Variants in SCFD1 observed in about 807,000 individuals in gnomAD.
The protein encoded by SCFD1 is sec1 family domain-containing protein 1.
In SCFD1, 37 loss-of-function variants were observed where a neutral mutation model predicts 103.2. That is an observed-to-expected ratio of 0.36 (90% confidence interval 0.28 to 0.47). The LOEUF (loss-of-function observed/expected upper bound fraction) is 0.47. Among genes scored for constraint, SCFD1 ranks in the 20% least tolerant of loss-of-function variants. The probability of loss-of-function intolerance (pLI) is 1.00; values close to 1 mark genes in which losing one functional copy is unlikely to be tolerated. For synonymous variants in SCFD1, 264 were observed against 245.0 expected (o/e 1.08, Z -0.73); for missense variants, 639 against 761.2 (o/e 0.84, Z 1.89).
At chr14:30,639,738 T>C (rs1885079341) in intron 5 of SCFD1, 39 bp from the exon 6 acceptor site, 2 of 1,525,314 alleles carry the variant, frequency 1.3e-6, no homozygotes, top group Non-Finnish European at 1.8e-6. Flanking sequence ...TATGGCTATA[T>C]TGTAAGATTG....
Position 30,713,139 on chromosome 14 carries a change from TTATC to T in SCFD1, c.1630-2782_1630-2779del, listed in dbSNP as rs764824779. 5.6e-4 allele frequency among the ~76,000 whole-genome samples: 86 copies of T among 152,318 alleles called. 1 individual carries two copies. Among genetic ancestry groups the T allele is most frequent in the Middle Eastern group, 6.8e-3 (2 of 294 alleles). On this transcript the variant is annotated intron_variant, in intron 19 of 24. Coordinates refer to ENST00000458591, the MANE Select transcript of SCFD1 (RefSeq NM_016106.4). ...TTAATGATTAAGTCAATTCAGGCCT[TTATC>T]TAGGCAAAGAATGAAGGCTAGCTAG... is the stretch of plus-strand genomic sequence containing the variant.
intron 14 of SCFD1, among the ~76,000 whole-genome samples, chr14:30,684,117 C>T (rs10483365): frequency 0.078 from 11,933 of 152,206 alleles, 761 homozygotes; most frequent in African/African-American, 0.17. Flanking sequence ...CTTTCTTGGT[C>T]GTCTGGCAAA....
chr14:30,729,250 G>A (rs182982046), intron 23 of SCFD1, among the ~76,000 whole-genome samples: 22 of 151,992 alleles, frequency 1.4e-4, no homozygotes, highest in Non-Finnish European at 2.5e-4. Context: ...TTATTTCGGC[G>A]AAGTCCAGTG....
At chr14:30,670,427 T>G in intron 11 of SCFD1, 32 bp downstream of exon 11, 1 of 1,450,018 alleles carries the variant, frequency 6.9e-7, no homozygotes, top group Middle Eastern at 2.4e-4. Flanking sequence ...AAAAGATTCA[T>G]TTTTTTAAAG....
At chr14:30,693,397 T>C (rs1388194890) in intron 14 of SCFD1, among the ~76,000 whole-genome samples, 1 of 152,252 alleles carries the variant, frequency 6.6e-6, no homozygotes, top group African/African-American at 2.4e-5. Context: ...TGTCTTTTTA[T>C]GTTGTATTCA....
chr14:30,717,856 C>T (rs192209400), intron 20 of SCFD1, among the ~76,000 whole-genome samples: 12 of 151,052 alleles, frequency 7.9e-5, no homozygotes, highest in African/African-American at 2.9e-4. Context: ...TGCACTCCAG[C>T]CTGGGTGACA....
intron 14 of SCFD1, among the ~76,000 whole-genome samples, chr14:30,682,149 G>A (rs1889537155): frequency 1.3e-5 from 2 of 152,218 alleles, no homozygotes; most frequent in South Asian, 4.1e-4. Context: ...TTGGTTGAGA[G>A]AAAAAATGCA....
At chr14:30,660,267 T>C (rs1887317721) in intron 10 of SCFD1, among the ~76,000 whole-genome samples, 1 of 152,224 alleles carries the variant, frequency 6.6e-6, no homozygotes. Flanking sequence ...ATTTGGCTGA[T>C]TGTATCCTTT....
rs139765264 is a variant in SCFD1, at chr14:30,665,056, A to G, written c.856-5200A>G. Among the ~76,000 whole-genome samples the G allele has an allele frequency of 3.3e-4, 50 of 152,068 alleles. 1 individual carries two copies. The highest frequency in any genetic ancestry group is 3.2e-3 in the Admixed American group (49 of 15,268). On this transcript the variant is annotated intron_variant, in intron 10 of 24. Coordinates refer to ENST00000458591, the MANE Select transcript of SCFD1 (RefSeq NM_016106.4). Reference sequence around the variant, plus strand: ...AGGAAATACAGAGAACACCACAAAGATACTCAAGAAGAGCAACCCCAAGAC... The same window carrying G: ...AGGAAATACAGAGAACACCACAAAGGTACTCAAGAAGAGCAACCCCAAGAC...
At chr14:30,684,749 C>G (rs911918429) in intron 14 of SCFD1, among the ~76,000 whole-genome samples, 1 of 72,004 alleles carries the variant, frequency 1.4e-5, no homozygotes, top group African/African-American at 5.8e-5. Flanking sequence ...TTTTTTTTTA[C>G]TTTTTAAAAT....
chr14:30,725,831 C>T (rs1271867755), intron 23 of SCFD1, among the ~76,000 whole-genome samples: 1 of 149,972 alleles, frequency 6.7e-6, no homozygotes, highest in African/African-American at 2.5e-5. Context: ...TGACCAGGCT[C>T]AAAAGCAGAA....
At chr14:30,674,612 C>T (rs372383049) in intron 13 of SCFD1, among the ~76,000 whole-genome samples, 7 of 151,924 alleles carry the variant, frequency 4.6e-5, no homozygotes, top group Admixed American at 2.0e-4. Context: ...AGCACCATTG[C>T]ACTCCAGCCC....
intron 3 of SCFD1, among the ~76,000 whole-genome samples, chr14:30,633,240 T>C (rs1884364087): frequency 6.6e-6 from 1 of 152,192 alleles, no homozygotes; most frequent in African/African-American, 2.4e-5. Flanking sequence ...TTCCTCTCTC[T>C]CCTTGATTAT....
chr14:30,714,069 C>T lies in SCFD1; in HGVS notation c.1630-1855C>T, dbSNP rs560186108. Among the ~76,000 whole-genome samples, 13 of 152,036 alleles carry T rather than the reference C, an allele frequency of 8.6e-5. No homozygotes were observed. The East Asian group carries it at 9.7e-4, about 11-fold the overall frequency. ...AAAACTTAAAAGGTAAAATTTTGGC[C>T]GGGCGCGGTGGCTCACGCCTGTAAT... On this transcript the variant is annotated intron_variant, in intron 19 of 24. Transcript: ENST00000458591.
At chr14:30,718,995 A>T (rs1450136340) in intron 20 of SCFD1, among the ~76,000 whole-genome samples, 2 of 152,200 alleles carry the variant, frequency 1.3e-5, no homozygotes, top group African/African-American at 2.4e-5. Flanking sequence ...GGGCATTGAA[A>T]ATAGACTGCC....
At position 30,649,454 on chromosome 14, in the gene SCFD1, G is replaced by C. The variant is rs1594606703; in HGVS notation, c.614-74G>C. ...TGTATCTATCACATCTGTTATTTTTGATGCTGATGTATTTTATAAGTATCT... is the reference window on the plus strand; with the variant it reads ...TGTATCTATCACATCTGTTATTTTTCATGCTGATGTATTTTATAAGTATCT... On this transcript the variant is annotated intron_variant, in intron 7 of 24. Transcript: ENST00000458591. 5.8e-6 allele frequency: 5 copies of C among 865,072 alleles called. No homozygotes were observed. The East Asian group carries it at 1.4e-4, about 24-fold the overall frequency. 53.6% of individuals were successfully genotyped at this position (865,072 alleles called of 1,614,324 possible). A position where few individuals can be genotyped will look rare whatever the true frequency, so the allele number is the denominator to read the frequency against.
intron 16 of SCFD1, among the ~76,000 whole-genome samples, chr14:30,700,770 T>A (rs970720767): frequency 6.6e-5 from 10 of 152,222 alleles, no homozygotes; most frequent in African/African-American, 2.4e-4. Context: ...CAGGGGAAAC[T>A]ACCCGTGAAA....
At chr14:30,707,445 A>G (rs907155463) in intron 18 of SCFD1, among the ~76,000 whole-genome samples, 2 of 152,192 alleles carry the variant, frequency 1.3e-5, no homozygotes, top group Non-Finnish European at 2.9e-5. Flanking sequence ...ACATTTTTTT[A>G]TGATAGATTT....
intron 23 of SCFD1, among the ~76,000 whole-genome samples, chr14:30,729,614 A>G (rs1223297713): frequency 1.3e-5 from 2 of 152,150 alleles, no homozygotes; most frequent in African/African-American, 4.8e-5. Context: ...ATGTTTTTGA[A>G]ATCAGGACAC....
Sources: gnomAD v4.1 joint callset for allele counts (sites outside exome capture counted in the v4.1 genomes callset) on GRCh38, gnomAD v4.1.1 for gene constraint, MANE v1.5 for transcripts, NCBI Gene and HGNC (gene_info 2026-07-23, HGNC 2026-07-21) for gene names.